Variants in CDH23 observed in about 807,000 individuals in gnomAD.
CDH23 encodes the protein cadherin related 23, also known as cadherin-23.
In CDH23, 189 loss-of-function variants were observed where a neutral mutation model predicts 317.1. The ratio of observed to expected loss-of-function variants is 0.60; its 90% CI spans 0.53 to 0.67. The LOEUF is 0.67. Among genes scored for constraint, CDH23 ranks in the 30% least tolerant of loss-of-function variants. CDH23 has a pLI of 0.00. For synonymous variants in CDH23, 1,839 were observed against 1,876.8 expected, an observed-to-expected ratio of 0.98 and a Z score of 0.52; for missense variants, 4,401 against 4,592.4, an observed-to-expected ratio of 0.96 and a Z score of 1.20.
intron 19 of CDH23, among the ~76,000 whole-genome samples, chr10:71,689,037 G>A (rs902945140): frequency 1.9e-3 from 203 of 105,538 alleles, no homozygotes; most frequent in African/African-American, 2.5e-3. Context: ...TGGAGTCAGG[G>A]GTGGTGGAGC....
chr10:71,504,149 C>T (rs1456307285), intron 3 of CDH23, among the ~76,000 whole-genome samples: 1 of 152,126 alleles, frequency 6.6e-6, no homozygotes, highest in African/African-American at 2.4e-5. Flanking sequence ...GCCTAACCGA[C>T]CTCCAGAACT....
At chr10:71,800,838 T>A in intron 53 of CDH23, 83 bp downstream of exon 53, 1 of 1,557,286 alleles carries the variant, frequency 6.4e-7, no homozygotes. Context: ...AGTGGACTGC[T>A]GCAGACTGGG....
chr10:71,527,121 C>T (rs753890499), intron 6 of CDH23, among the ~76,000 whole-genome samples: 13 of 152,208 alleles, frequency 8.5e-5, no homozygotes, highest in Admixed American at 5.2e-4. Context: ...CCTAGGTCAG[C>T]GTAGGACAGA....
chr10:71,707,386 G>T, intron 26 of CDH23: 1 of 1,354,874 alleles, frequency 7.4e-7, no homozygotes, highest in Non-Finnish European at 9.5e-7. Flanking sequence ...CCCCAAGTCT[G>T]GGTGACAGAG....
At chr10:71,773,372 A>C (rs1840732071) in intron 38 of CDH23, 1 of 1,609,474 alleles carries the variant, frequency 6.2e-7, no homozygotes, top group Admixed American at 1.7e-5. Context: ...GGACGCAGCC[A>C]GGAAGAGAGC....
chr10:71,502,546 C>G (rs1853395466), intron 3 of CDH23, among the ~76,000 whole-genome samples: 1 of 152,188 alleles, frequency 6.6e-6, no homozygotes, highest in Non-Finnish European at 1.5e-5. Flanking sequence ...GGGGTGATGG[C>G]CTCTTGCCTG....
At chr10:71,747,528 C>T (rs1839880071) in intron 38 of CDH23, 1 of 152,346 alleles carries the variant, frequency 6.6e-6, no homozygotes, top group African/African-American at 2.4e-5. Context: ...CCAATCCATT[C>T]AGTGAGGAGG....
chr10:71,439,333 C>T (rs1373389481), intron 1 of CDH23, among the ~76,000 whole-genome samples: 1 of 152,196 alleles, frequency 6.6e-6, no homozygotes, highest in African/African-American at 2.4e-5. Flanking sequence ...TCATTGGGCA[C>T]TGGTGGTGGG....
intron 16 of CDH23, among the ~76,000 whole-genome samples, chr10:71,678,840 G>A (rs1483590656): frequency 1.3e-5 from 2 of 152,206 alleles, no homozygotes; most frequent in African/African-American, 4.8e-5. Flanking sequence ...CACCCACTGT[G>A]GCCAAATACT....
At chr10:71,609,951 C>CGTGTGTGTGTGTGTGT (rs34311857) in intron 9 of CDH23, among the ~76,000 whole-genome samples, 5 of 142,772 alleles carry the variant, frequency 3.5e-5, no homozygotes, top group Non-Finnish European at 7.6e-5. Flanking sequence ...AGGACTCCCC[C>CGTGTGTGTGTGTGTGT]GTGTGTGTGT....
chr10:71,737,882 T>A, intron 34 of CDH23: 2 of 448,430 alleles, frequency 4.5e-6, no homozygotes, highest in South Asian at 3.1e-5. Context: ...CGGTTTTTAT[T>A]TGACAGTCAG....
intron 14 of CDH23, among the ~76,000 whole-genome samples, chr10:71,648,709 A>G (rs192855350): frequency 1.4e-3 from 208 of 152,274 alleles, no homozygotes; most frequent in African/African-American, 4.8e-3. Flanking sequence ...CCCTCAGGCT[A>G]GGTTTTTATC....
At chr10:71,805,022 A>G (rs1841669078) in intron 55 of CDH23, among the ~76,000 whole-genome samples, 1 of 152,208 alleles carries the variant, frequency 6.6e-6, no homozygotes, top group Non-Finnish European at 1.5e-5. Flanking sequence ...CTTGTTATTA[A>G]TTAGACGTAA....
chr10:71,619,761 A>C (rs1861377093), intron 11 of CDH23, among the ~76,000 whole-genome samples: 1 of 152,192 alleles, frequency 6.6e-6, no homozygotes, highest in Non-Finnish European at 1.5e-5. Flanking sequence ...CAGGTCTCAG[A>C]GGGCCTCAAA....
intron 26 of CDH23, among the ~76,000 whole-genome samples, chr10:71,707,673 C>T (rs1262631367): frequency 2.6e-5 from 4 of 152,144 alleles, no homozygotes; most frequent in African/African-American, 9.7e-5. Flanking sequence ...TGGATGAGAA[C>T]ACAGCTTCTT....
At chr10:71,581,539 A>G (rs951177684) in intron 9 of CDH23, among the ~76,000 whole-genome samples, 1 of 152,248 alleles carries the variant, frequency 6.6e-6, no homozygotes, top group Non-Finnish European at 1.5e-5. Flanking sequence ...ATGTCTGCAC[A>G]CCAGTGCTTT....
rs892314630 is a variant in CDH23, at chr10:71,751,822, T to C, written c.4845+9901T>C. The C allele has an allele frequency of 5.7e-6, 9 of 1,573,102 alleles. No individual in the cohort carries two copies. Among genetic ancestry groups the C allele is most frequent in the Non-Finnish European group, 7.8e-6 (9 of 1,161,022 alleles). On this transcript the variant is annotated intron_variant, in intron 38 of 69. Coordinates refer to ENST00000224721, the MANE Select transcript of CDH23 (RefSeq NM_022124.6). The surrounding 1 kb of genome is among the most constrained non-coding windows in gnomAD (Gnocchi z 4.9). ...CCTCGGGTATCCCCTGGGCAGGTGG[T>C]GAGGCTTCAAAGCCGGGGTTTTCAA... is the stretch of plus-strand genomic sequence containing the variant.
chr10:71,544,658 G>A (rs900001176), intron 6 of CDH23, among the ~76,000 whole-genome samples: 2 of 152,172 alleles, frequency 1.3e-5, no homozygotes, highest in Admixed American at 1.3e-4. Context: ...CCTGGGACAC[G>A]CTGCACACCC....
intron 3 of CDH23, among the ~76,000 whole-genome samples, chr10:71,494,112 T>C (rs911104758): frequency 6.6e-6 from 1 of 152,182 alleles, no homozygotes; most frequent in African/African-American, 2.4e-5. Flanking sequence ...CTTCCTATTA[T>C]TGTCCATGCA....
Sources: gnomAD v4.1 joint callset for allele counts (sites outside exome capture counted in the v4.1 genomes callset) on GRCh38, gnomAD v4.1.1 for gene constraint, Gnocchi (gnomAD v3.1) non-coding constraint, MANE v1.5 for transcripts, NCBI Gene and HGNC (gene_info 2026-07-23, HGNC 2026-07-21) for gene names.